The following MAEL variants were observed in gnomAD, a reference collection of about 807,000 sequenced individuals.
MAEL encodes the protein protein maelstrom homolog.
In MAEL, 46 loss-of-function variants were observed where a neutral mutation model predicts 62.0. That is an observed-to-expected ratio of 0.74 (90% CI 0.59 to 0.95). MAEL has a LOEUF of 0.95. Among genes scored for constraint, MAEL ranks in the 40% least tolerant of loss-of-function variants. The probability of loss-of-function intolerance (pLI) is 0.00; values close to 1 mark genes in which losing one functional copy is unlikely to be tolerated. For missense variants in MAEL, 497 were observed against 526.8 expected (o/e 0.94, Z 0.55); for synonymous variants, 172 against 175.5 (o/e 0.98, Z 0.16).
intron 5 of MAEL, 92 bp from the exon 6 acceptor site, chr1:167,004,088 C>G (rs1664786307): frequency 9.2e-7 from 1 of 1,091,360 alleles, no homozygotes; most frequent in Non-Finnish European, 1.3e-6. Flanking sequence ...TGTGTGTTAC[C>G]CACTACTCTC....
chr1:167,004,353 AAAG>A (rs1305058185), intron 6 of MAEL, 49 bp downstream of exon 6: 1 of 1,504,704 alleles, frequency 6.6e-7, no homozygotes, highest in South Asian at 1.4e-5. Context: ...TATAGTACCA[AAAG>A]ATCCATAAAA....
In MAEL at chr1:166,994,061, A is replaced by G. The variant is rs1557974466; in HGVS notation, c.515A>G (p.Gln172Arg). ...CCACGAGGATTTCGATTTCATTGTC[A>G]GGCTGCAAGTAAGTATAAAGGAATG... is the stretch of plus-strand genomic sequence containing the variant. ...EIPRGFRFHC[Q>R]AASDSSHKIP... The change falls in exon 5 of 12, where the codon CAG becomes CGG. Residue 172 changes from glutamine (Q) to arginine (R), a missense_variant. Coordinates refer to ENST00000367872, the MANE Select transcript of MAEL (RefSeq NM_032858.3). The G allele has an allele frequency of 1.9e-6, 3 of 1,613,140 alleles. No individual in the cohort carries two copies. Among genetic ancestry groups the G allele is most frequent in the Non-Finnish European group, 2.5e-6 (3 of 1,179,570 alleles).
At chr1:166,994,974 ATT>A (rs944951589) in intron 5 of MAEL, among the ~76,000 whole-genome samples, 26 of 110,176 alleles carry the variant, frequency 2.4e-4, no homozygotes, top group Non-Finnish European at 3.0e-4. Flanking sequence ...CCACCCAGTA[ATT>A]TTTTTTTTTT....
intron 1 of MAEL, among the ~76,000 whole-genome samples, chr1:166,980,190 A>C (rs937375729): frequency 7.9e-5 from 12 of 151,576 alleles, no homozygotes; most frequent in Admixed American, 6.6e-4. Flanking sequence ...GCTAATTTTT[A>C]ATTTGTATTT....
intron 1 of MAEL, among the ~76,000 whole-genome samples, chr1:166,980,637 TAC>T (rs1230043012): frequency 6.6e-6 from 1 of 152,226 alleles, no homozygotes; most frequent in African/African-American, 2.4e-5. Flanking sequence ...CTCTGAAAGT[TAC>T]AGAGCCAGAG....
chr1:167,003,598 A>ATCCAAT, intron 5 of MAEL, among the ~76,000 whole-genome samples: 2 of 152,362 alleles, frequency 1.3e-5, no homozygotes, highest in South Asian at 4.1e-4. Context: ...TTGGCAAATG[A>ATCCAAT]TCCAGAGGAA....
chr1:167,020,622 T>C (rs572123781), intron 10 of MAEL, among the ~76,000 whole-genome samples: 5 of 152,268 alleles, frequency 3.3e-5, no homozygotes, highest in South Asian at 2.1e-4. Flanking sequence ...TAGAAACAGT[T>C]GGGAGAGATT....
At chr1:167,012,796 G>A (rs577758998) in intron 8 of MAEL, among the ~76,000 whole-genome samples, 1 of 152,272 alleles carries the variant, frequency 6.6e-6, no homozygotes, top group South Asian at 2.1e-4. Flanking sequence ...AAAGCCTTGA[G>A]GTAAAGGCTT....
chr1:167,019,639 T>C (rs537813766), intron 10 of MAEL, among the ~76,000 whole-genome samples: 1 of 152,286 alleles, frequency 6.6e-6, no homozygotes, highest in South Asian at 2.1e-4. Context: ...CATCTTTTGC[T>C]TCTTCATGTG....
At chr1:166,994,200 G>T (rs1330946522) in intron 5 of MAEL, 131 bp downstream of exon 5, 3 of 733,434 alleles carry the variant, frequency 4.1e-6, no homozygotes, top group Non-Finnish European at 6.6e-6. Context: ...AATCTGCATA[G>T]ATGTGATAGA....
At chr1:166,988,778 C>G (rs1050588189), upstream of MAEL, among the ~76,000 whole-genome samples, 10 of 152,204 alleles carry the variant, frequency 6.6e-5, no homozygotes, top group Non-Finnish European at 1.3e-4. Context: ...ATCTCAACCT[C>G]TTCCTCTGTT....
Position 167,022,048 on chromosome 1 carries a change from G to T in MAEL, c.*193G>T. The stretch of plus-strand genomic sequence containing the variant: ...TTGGCATTTGTGCTTTTTTTCTTGA[G>T]GGATTGTTCTGCTTCCTGGCTGTAT... On this transcript the variant is annotated 3_prime_UTR_variant, in exon 12 of 12. Transcript: ENST00000367872. The T allele has an allele frequency of 1.9e-6, 1 of 514,568 alleles. No homozygotes were observed. Among genetic ancestry groups the T allele is most frequent in the East Asian group, 3.2e-5 (1 of 31,542 alleles). 31.9% of individuals were successfully genotyped at this position (514,568 alleles called of 1,614,324 possible).
chr1:166,978,242 C>T (rs1182918383), intron 1 of MAEL, among the ~76,000 whole-genome samples: 2 of 152,146 alleles, frequency 1.3e-5, no homozygotes, highest in Non-Finnish European at 2.9e-5. Flanking sequence ...CAGAGAGGTA[C>T]ACATGGTGTA....
At chr1:166,985,582 T>C (rs1178480163), upstream of MAEL, among the ~76,000 whole-genome samples, 1 of 152,184 alleles carries the variant, frequency 6.6e-6, no homozygotes, top group African/African-American at 2.4e-5. Context: ...AGGAGAAAAT[T>C]AGCCTTAAAG....
At position 166,989,312 on chromosome 1, in the gene MAEL, G is replaced by C. The variant is rs747058374; in HGVS notation, c.-41G>C. On this transcript the variant is annotated 5_prime_UTR_variant, in exon 1 of 12. Coordinates refer to ENST00000367872, the MANE Select transcript of MAEL (RefSeq NM_032858.3). ...GCGGGAGCCCGGCGAGGGCGCCGGT[G>C]CTTTGTTCTGTCTGAGGCCAGGAAG... 1.2e-5 allele frequency: 19 copies of C among 1,594,106 alleles called. No individual in the cohort carries two copies. The East Asian group carries it at 2.9e-4, about 25-fold the overall frequency.
intron 6 of MAEL, 80 bp downstream of exon 6, chr1:167,004,384 T>G: frequency 7.4e-7 from 1 of 1,360,380 alleles, no homozygotes; most frequent in Non-Finnish European, 1.0e-6. Context: ...TTTTTGCCTG[T>G]GTATTTTTGT....
chr1:166,989,513 G>A, intron 1 of MAEL, 29 bp downstream of exon 1: 3 of 1,575,824 alleles, frequency 1.9e-6, no homozygotes, highest in Non-Finnish European at 2.6e-6. Context: ...GAGAGGGCTG[G>A]GCAGGGCAGT....
At chr1:167,017,505 T>C (rs1212199724) in intron 9 of MAEL, among the ~76,000 whole-genome samples, 1 of 152,110 alleles carries the variant, frequency 6.6e-6, no homozygotes, top group Non-Finnish European at 1.5e-5. Context: ...GATTAGTGTT[T>C]ATGGTTGTAG....
At chr1:166,989,168 C>A, upstream of MAEL, 1 of 822,404 alleles carries the variant, frequency 1.2e-6, no homozygotes, top group Non-Finnish European at 1.8e-6. Flanking sequence ...GCGGCACGAG[C>A]CGGAATCTTC....
Sources: allele counts gnomAD v4.1 joint callset (sites outside exome capture counted in the v4.1 genomes callset), GRCh38; gene constraint gnomAD v4.1.1; transcripts MANE v1.5; gene names NCBI Gene and HGNC (gene_info 2026-07-23, HGNC 2026-07-21).